Variants in AKNA observed in about 807,000 individuals in gnomAD.
The protein encoded by AKNA is AT-hook transcription factor, also known as microtubule organization protein AKNA.
AKNA carries 67 observed loss-of-function variants against 138.8 expected under a neutral mutation model. The observed-to-expected ratio is 0.48, with a 90% confidence interval of 0.40 to 0.59. AKNA has a LOEUF of 0.59. AKNA is among the 20% of genes least tolerant of loss of function. The pLI is 0.00. For missense variants in AKNA, 1,813 were observed against 1,880.4 expected, an observed-to-expected ratio of 0.96 and a Z score of 0.66; for synonymous variants, 737 against 754.4, an observed-to-expected ratio of 0.98 and a Z score of 0.38.
Position 114,358,174 on chromosome 9 carries a change from T to G in AKNA, c.2493-7A>C. The stretch of plus-strand genomic sequence containing the variant: ...CATCTTCTCCGTGGCCTCCCTGGCA[T>G]GGGAAGAGAAGACCATCCTTGAGTT... On this transcript the variant is annotated splice_region_variant and splice_polypyrimidine_tract_variant and intron_variant, in intron 11 of 21. Coordinates refer to ENST00000374088, the MANE Select transcript of AKNA (RefSeq NM_001317950.2). 1 of 1,613,846 alleles carries G rather than the reference T, an allele frequency of 6.2e-7. No homozygotes were observed. The highest frequency in any genetic ancestry group is 8.5e-7 in the Non-Finnish European group (1 of 1,179,870).
rs1370763844 is a variant in AKNA at position 114,360,452 on chromosome 9, A to G, written c.2125-390T>C. 3.3e-5 allele frequency among the ~76,000 whole-genome samples: 5 copies of G among 152,240 alleles called. No homozygotes were observed. In the East Asian group the frequency reaches 7.7e-4, roughly 24 times the overall value. ...GCCAGAGTTAACTCTCCTGACCCCC[A>G]TCCATTCCAGCATGGCCACCCCAGC... is the stretch of plus-strand genomic sequence containing the variant. On this transcript the variant is annotated intron_variant, in intron 9 of 21. Coordinates refer to ENST00000374088, the MANE Select transcript of AKNA (RefSeq NM_001317950.2).
rs1325023189 is a variant in AKNA, at chr9:114,334,772, G to T, written c.*2282C>A. On this transcript the variant is annotated 3_prime_UTR_variant, in exon 22 of 22. Transcript: ENST00000374088. ...ATACCATCCAGGGTGATAGGACCATGAGCCCGAGGCCCTGATGTCCTGGGG... is the reference window on the plus strand; with the variant it reads ...ATACCATCCAGGGTGATAGGACCATTAGCCCGAGGCCCTGATGTCCTGGGG... 1 of 146,686 alleles carries T rather than the reference G, an allele frequency of 6.8e-6. No individual in the cohort carries two copies. Among genetic ancestry groups the T allele is most frequent in the South Asian group, 2.1e-4 (1 of 4,828 alleles). The allele number at this position is 146,686 out of a possible 1,614,324, so 9.1% of individuals were successfully genotyped here. A position where few individuals can be genotyped will look rare whatever the true frequency, so the allele number is the denominator to read the frequency against.
intron 14 of AKNA, among the ~76,000 whole-genome samples, chr9:114,351,272 T>G (rs1201966106): frequency 6.6e-6 from 1 of 152,290 alleles, no homozygotes; most frequent in South Asian, 2.1e-4. Context: ...CCACCCACCA[T>G]GACACCATCC....
At chr9:114,358,254 G>A in intron 11 of AKNA, 87 bp from the exon 12 acceptor site, 1 of 1,567,572 alleles carries the variant, frequency 6.4e-7, no homozygotes, top group South Asian at 1.1e-5. Context: ...AAGCAGCCCA[G>A]GGCACAAGCT....
intron 21 of AKNA, among the ~76,000 whole-genome samples, chr9:114,339,194 C>T (rs932551750): frequency 5.3e-5 from 8 of 152,278 alleles, no homozygotes; most frequent in African/African-American, 1.9e-4. Flanking sequence ...CTGAAAGTTA[C>T]CCAAAACTCT....
At chr9:114,394,731 C>T (rs1166415402), upstream of AKNA, among the ~76,000 whole-genome samples, 1 of 152,224 alleles carries the variant, frequency 6.6e-6, no homozygotes, top group Non-Finnish European at 1.5e-5. Context: ...CCCAAAGTCA[C>T]ACAGCATGTT....
intron 1 of AKNA, among the ~76,000 whole-genome samples, chr9:114,393,614 C>T (rs1834434086): frequency 6.6e-6 from 1 of 151,912 alleles, no homozygotes; most frequent in African/African-American, 2.4e-5. Flanking sequence ...AACAGGTGAT[C>T]ATTGAAAGAA....
intron 3 of AKNA, among the ~76,000 whole-genome samples, chr9:114,374,687 A>G (rs564501453): frequency 7.9e-5 from 12 of 152,214 alleles, no homozygotes; most frequent in Non-Finnish European, 1.5e-4. Context: ...CACTTATCTT[A>G]AACAAGTCCA....
chr9:114,395,784 G>A (rs543169515), upstream of AKNA, among the ~76,000 whole-genome samples: 1 of 151,082 alleles, frequency 6.6e-6, no homozygotes, highest in Admixed American at 6.6e-5. Context: ...CTGATTTGTG[G>A]TGGTTACTAA....
chr9:114,398,077 G>C (rs1282532070), upstream of AKNA, among the ~76,000 whole-genome samples: 2 of 151,598 alleles, frequency 1.3e-5, no homozygotes, highest in Non-Finnish European at 2.9e-5. This position sits in a 1 kb window ranked among gnomAD's most constrained non-coding sequence, Gnocchi z 4.2. Flanking sequence ...AGCTCCCCCG[G>C]GACCCCTCCC....
At chr9:114,374,246 A>G in intron 3 of AKNA, 79 bp from the exon 4 acceptor site, 4 of 1,368,892 alleles carry the variant, frequency 2.9e-6, no homozygotes, top group Non-Finnish European at 3.1e-6. Flanking sequence ...CTGATAGCAA[A>G]CCCCCTTCCA....
In AKNA at chr9:114,368,430, C is replaced by T. The variant is rs375854616; in HGVS notation, c.1573+9G>A. On this transcript the variant is annotated intron_variant, in intron 5 of 21. Transcript: ENST00000374088. ...GAGCCTCCAGCTGCAGCTCTTCTCC[C>T]GGACTCACCTGAGGCCGCAGAGGCC... 4.1e-5 allele frequency: 54 copies of T among 1,316,148 alleles called. No individual in the cohort carries two copies. Among genetic ancestry groups the T allele is most frequent in the South Asian group, 9.0e-5 (3 of 33,506 alleles). The allele number at this position is 1,316,148 out of a possible 1,614,324, so 81.5% of individuals were successfully genotyped here.
At chr9:114,398,422 C>G (rs919478618), upstream of AKNA, 3 of 152,274 alleles carry the variant, frequency 2.0e-5, no homozygotes, top group Non-Finnish European at 4.4e-5. This position sits in a 1 kb window ranked among gnomAD's most constrained non-coding sequence, Gnocchi z 4.2. Flanking sequence ...GCCCCGCGAG[C>G]CCCTCCCCGA....
chr9:114,394,601 A>T (rs1834471350), upstream of AKNA, among the ~76,000 whole-genome samples: 1 of 152,242 alleles, frequency 6.6e-6, no homozygotes, highest in Non-Finnish European at 1.5e-5. Flanking sequence ...GGAAGCAATC[A>T]GCGCCCAGCC....
In AKNA at chr9:114,359,653, G is replaced by A. The variant is rs1207393462; in HGVS notation, c.2433C>T (p.Thr811=). 2 of 1,613,936 alleles carry A rather than the reference G, an allele frequency of 1.2e-6. No homozygotes were observed. Among genetic ancestry groups the A allele is most frequent in the Admixed American group, 1.7e-5 (1 of 59,992 alleles). Residue 811 remains threonine (T), a synonymous_variant, in exon 11 of 22, where the codon ACC becomes ACT. Transcript: ENST00000374088. The stretch of plus-strand genomic sequence containing the variant: ...CCGGGCACTGCCTTGGGAGGACCCT[G>A]GTGGCCTCTGCTTTCCCTGGAGTTG... ...VAATPGKAEA[T]RVLPRQCPVQ... is the part of the protein sequence containing the mutation.
At chr9:114,383,412 G>A (rs1176877065) in intron 1 of AKNA, among the ~76,000 whole-genome samples, 1 of 152,172 alleles carries the variant, frequency 6.6e-6, no homozygotes, top group Non-Finnish European at 1.5e-5. Context: ...GAGTGGGCAC[G>A]GTCCCCCAGG....
intron 2 of AKNA, among the ~76,000 whole-genome samples, chr9:114,377,856 C>T (rs1249264495): frequency 4.6e-5 from 7 of 152,152 alleles, no homozygotes; most frequent in Non-Finnish European, 1.0e-4. Flanking sequence ...CCCTCTAACC[C>T]CCTGAATCCA....
rs916008556 is a variant in AKNA, at chr9:114,368,233, G to A, written c.1573+206C>T. 6.1e-5 allele frequency: 30 copies of A among 488,252 alleles called. No individual in the cohort carries two copies. In the East Asian group the frequency reaches 7.1e-4, roughly 12 times the overall value. The allele number at this position is 488,252 out of a possible 1,614,324, so 30.2% of individuals were successfully genotyped here. Reference sequence around the variant, plus strand: ...ACCAAGATGCCAAGTGGCAGGGCCAGGGCTGCCCCCAGGCTGCTGTGGATC... The same window carrying A: ...ACCAAGATGCCAAGTGGCAGGGCCAAGGCTGCCCCCAGGCTGCTGTGGATC... On this transcript the variant is annotated intron_variant, in intron 5 of 21. Transcript: ENST00000374088.
intron 1 of AKNA, among the ~76,000 whole-genome samples, chr9:114,385,489 G>A (rs7026825): frequency 0.058 from 8,845 of 152,310 alleles, 344 homozygotes; most frequent in Non-Finnish European, 0.086. Context: ...AAGGGGCCGG[G>A]GGAGGTGTGC....
Sources: gnomAD v4.1 joint callset for allele counts (sites outside exome capture counted in the v4.1 genomes callset) on GRCh38, gnomAD v4.1.1 for gene constraint, Gnocchi (gnomAD v3.1) non-coding constraint, MANE v1.5 for transcripts, NCBI Gene and HGNC (gene_info 2026-07-23, HGNC 2026-07-21) for gene names.